CALN1: variants seen among roughly 807,000 people sequenced by gnomAD.
CALN1 encodes the protein calneuron 1, also known as calcium-binding protein 8.
In CALN1, 17 loss-of-function variants were observed where a neutral mutation model predicts 30.6. The observed-to-expected ratio is 0.56, with a 90% confidence interval of 0.38 to 0.83. CALN1 has a LOEUF of 0.83. CALN1 is among the 40% of genes least tolerant of loss of function. CALN1 has a pLI of 0.00. For missense variants in CALN1, 291 were observed against 354.9 expected, an observed-to-expected ratio of 0.82 and a Z score of 1.45; for synonymous variants, 156 against 131.4, an observed-to-expected ratio of 1.19 and a Z score of -1.28.
chr7:72,216,994 T>C (rs1792868356), intron 3 of CALN1, among the ~76,000 whole-genome samples: 1 of 152,034 alleles, frequency 6.6e-6, no homozygotes, highest in Non-Finnish European at 1.5e-5. Flanking sequence ...TCCTCTCACC[T>C]CCCAAAGTGC....
chr7:72,469,020 T>C, the CALN1 span, among the ~76,000 whole-genome samples: 1 of 152,216 alleles, frequency 6.6e-6, no homozygotes, highest in African/African-American at 2.4e-5. Context: ...TTTCACTTCC[T>C]TGACAATGAC....
intron 4 of CALN1, among the ~76,000 whole-genome samples, chr7:72,053,144 C>T (rs374371557): frequency 4.6e-5 from 7 of 152,160 alleles, no homozygotes; most frequent in Middle Eastern, 3.2e-3. Context: ...GCAGGAGAAT[C>T]GCTTGAGCCC....
intron 5 of CALN1, among the ~76,000 whole-genome samples, chr7:71,945,091 A>G (rs1035202084): frequency 2.0e-5 from 3 of 152,148 alleles, no homozygotes; most frequent in Non-Finnish European, 4.4e-5. Flanking sequence ...TTCTCACTCT[A>G]TTAGCTCAAA....
At chr7:72,000,074 G>A (rs745606370) in intron 5 of CALN1, among the ~76,000 whole-genome samples, 20 of 152,102 alleles carry the variant, frequency 1.3e-4, no homozygotes, top group South Asian at 4.2e-4. Context: ...GAAAGTGAGC[G>A]TGGAATGTCA....
chr7:72,093,988 G>C (rs1029721614), intron 4 of CALN1, among the ~76,000 whole-genome samples: 2 of 152,166 alleles, frequency 1.3e-5, no homozygotes, highest in East Asian at 1.9e-4. Context: ...TCAACTTGAA[G>C]ACCATGAAGG....
intron 5 of CALN1, among the ~76,000 whole-genome samples, chr7:71,976,691 A>C (rs1798116928): frequency 6.6e-6 from 1 of 152,206 alleles, no homozygotes; most frequent in South Asian, 2.1e-4. Context: ...ACCAAAAGTG[A>C]ATGGAAATTC....
chr7:72,296,420 A>C (rs1017794056), intron 2 of CALN1, among the ~76,000 whole-genome samples: 1 of 149,134 alleles, frequency 6.7e-6, no homozygotes, highest in Non-Finnish European at 1.5e-5. Context: ...ATTGATTGGA[A>C]TAGTTTCAGA....
chr7:72,457,045 G>A, the CALN1 span, among the ~76,000 whole-genome samples: 3 of 62,216 alleles, frequency 4.8e-5, no homozygotes, highest in African/African-American at 2.0e-4. Flanking sequence ...TTTCCTTCTT[G>A]TTGCTCAGGC....
intron 5 of CALN1, among the ~76,000 whole-genome samples, chr7:71,937,322 A>C (rs752877899): frequency 5.9e-5 from 9 of 151,912 alleles, no homozygotes; most frequent in African/African-American, 1.2e-4. Flanking sequence ...AAACAAAACA[A>C]CACCAAAAAA....
At chr7:71,911,865 A>G (rs948588759) in intron 5 of CALN1, among the ~76,000 whole-genome samples, 3 of 152,148 alleles carry the variant, frequency 2.0e-5, no homozygotes, top group Non-Finnish European at 4.4e-5. Flanking sequence ...CTGCCCCGAT[A>G]AAGTAACGAC....
chr7:71,948,916 G>A (rs1213062550), intron 5 of CALN1, among the ~76,000 whole-genome samples: 6 of 151,386 alleles, frequency 4.0e-5, no homozygotes, highest in African/African-American at 9.7e-5. Context: ...GGTAGCATGT[G>A]CCTGTAGTCC....
chr7:72,079,717 C>T (rs1301025966), intron 4 of CALN1, among the ~76,000 whole-genome samples: 1 of 151,174 alleles, frequency 6.6e-6, no homozygotes, highest in Non-Finnish European at 1.5e-5. Flanking sequence ...AACCACTGGC[C>T]CTTCAACTAG....
chr7:72,503,357 C>T, the CALN1 span, among the ~76,000 whole-genome samples: 2 of 151,518 alleles, frequency 1.3e-5, no homozygotes, highest in Non-Finnish European at 2.9e-5. Flanking sequence ...GAGAGGACTC[C>T]TTCAATGCTG....
At chr7:71,831,064 T>G (rs1789246717) in intron 5 of CALN1, among the ~76,000 whole-genome samples, 1 of 152,114 alleles carries the variant, frequency 6.6e-6, no homozygotes, top group South Asian at 2.1e-4. Flanking sequence ...GACCCCGAGT[T>G]CAGGAGCTAA....
At chr7:72,352,547 G>A (rs1008671889) in intron 2 of CALN1, among the ~76,000 whole-genome samples, 12 of 152,140 alleles carry the variant, frequency 7.9e-5, no homozygotes, top group African/African-American at 2.9e-4. Context: ...TGCATAATGC[G>A]TATGTCAAAG....
At chr7:71,819,720 AG>A (rs1788485362) in intron 5 of CALN1, among the ~76,000 whole-genome samples, 1 of 152,154 alleles carries the variant, frequency 6.6e-6, no homozygotes, top group Admixed American at 6.5e-5. Flanking sequence ...TGACTTTTTT[AG>A]GTACCTTATG....
At chr7:72,187,963 CA>C (rs1790319421) in intron 3 of CALN1, among the ~76,000 whole-genome samples, 1 of 150,976 alleles carries the variant, frequency 6.6e-6, no homozygotes, top group Non-Finnish European at 1.5e-5. Context: ...TCAAAAAAAT[CA>C]AAAAACAATA....
intron 3 of CALN1, among the ~76,000 whole-genome samples, chr7:72,217,325 G>T (rs1043077260): frequency 6.6e-6 from 1 of 152,110 alleles, no homozygotes; most frequent in African/African-American, 2.4e-5. Context: ...GAGCCTCGGG[G>T]TGGAGGCAGG....
intron 5 of CALN1, among the ~76,000 whole-genome samples, chr7:71,952,201 T>A (rs1195116579): frequency 6.6e-6 from 1 of 152,164 alleles, no homozygotes; most frequent in Non-Finnish European, 1.5e-5. Context: ...ACTGCTAAAT[T>A]GAAGATACCA....
Sources: gnomAD v4.1 joint callset for allele counts (sites outside exome capture counted in the v4.1 genomes callset) on GRCh38, gnomAD v4.1.1 for gene constraint, MANE v1.5 for transcripts, NCBI Gene and HGNC (gene_info 2026-07-23, HGNC 2026-07-21) for gene names.